TANC1: variants seen among roughly 807,000 people sequenced by gnomAD.
TANC1 encodes the protein tetratricopeptide repeat, ankyrin repeat and coiled-coil containing 1, also known as protein TANC1.
In TANC1, 77 loss-of-function variants were observed where a neutral mutation model predicts 149.7. The ratio of observed to expected loss-of-function variants is 0.51; its 90% CI spans 0.43 to 0.62. TANC1 has a LOEUF of 0.62. Among genes scored for constraint, TANC1 ranks in the 20% least tolerant of loss-of-function variants. TANC1 has a pLI of 0.00. For missense variants in TANC1, 1,985 were observed against 2,321.8 expected (o/e 0.85, Z 2.98); for synonymous variants, 854 against 925.0 (o/e 0.92, Z 1.39).
intron 3 of TANC1, among the ~76,000 whole-genome samples, chr2:159,097,230 G>A (rs763590540): frequency 9.9e-5 from 15 of 152,272 alleles, no homozygotes; most frequent in Non-Finnish European, 1.8e-4. Flanking sequence ...GTGGAGGCCT[G>A]GGAGTTCTGG....
Position 159,178,966 on chromosome 2 carries a change from G to A in TANC1, c.2313G>A (p.Glu771=). ...CATCCCTCCACCCCATGACAGACGA[G>A]CAGATCTTTCAGGCTATTAATGCTG... ...ALASLHPMTD[E]QIFQAINAGH... is the part of the protein sequence containing the mutation. Residue 771 remains glutamate (E), a synonymous_variant, in exon 14 of 27, where the codon GAG becomes GAA. Transcript: ENST00000263635. The A allele has an allele frequency of 6.2e-7, 1 of 1,614,152 alleles. No homozygotes were observed. The highest frequency in any genetic ancestry group is 1.1e-5 in the South Asian group (1 of 91,082).
intron 2 of TANC1, among the ~76,000 whole-genome samples, chr2:159,020,486 T>G (rs1254255348): frequency 1.3e-5 from 2 of 152,188 alleles, no homozygotes; most frequent in Non-Finnish European, 2.9e-5. Context: ...CCAAAGAAAT[T>G]TAAATATATG....
chr2:159,101,476 T>C (rs1050694994), intron 4 of TANC1, among the ~76,000 whole-genome samples: 4 of 152,144 alleles, frequency 2.6e-5, no homozygotes, highest in African/African-American at 9.6e-5. Context: ...ATTGAGGTTA[T>C]TATTTTTATT....
chr2:159,208,080 A>C (rs184108684), intron 19 of TANC1, among the ~76,000 whole-genome samples: 25 of 152,326 alleles, frequency 1.6e-4, no homozygotes, highest in African/African-American at 6.0e-4. Flanking sequence ...TCACCTCAGT[A>C]ACATGGGCAT....
intron 19 of TANC1, among the ~76,000 whole-genome samples, chr2:159,201,864 T>C (rs1356010049): frequency 6.6e-6 from 1 of 152,214 alleles, no homozygotes; most frequent in Non-Finnish European, 1.5e-5. Flanking sequence ...AGCTTCCTCG[T>C]CTGTTTTGAC....
chr2:159,125,319 A>G (rs1483086146), intron 4 of TANC1, among the ~76,000 whole-genome samples: 3 of 152,220 alleles, frequency 2.0e-5, no homozygotes. Context: ...AGTGTTTCAT[A>G]GACATTATGT....
intron 2 of TANC1, among the ~76,000 whole-genome samples, chr2:159,059,152 C>A (rs2042053443): frequency 6.6e-6 from 1 of 152,136 alleles, no homozygotes; most frequent in Non-Finnish European, 1.5e-5. Context: ...ATGACTGGAT[C>A]TATGTGTCTT....
chr2:159,039,361 C>T (rs1166527095), intron 2 of TANC1, among the ~76,000 whole-genome samples: 3 of 152,058 alleles, frequency 2.0e-5, no homozygotes, highest in Non-Finnish European at 2.9e-5. Context: ...TTCAGTTCTG[C>T]TCTGATCTTA....
Position 159,179,167 on chromosome 2 carries a change from C to A in TANC1, c.2510+4C>A, listed in dbSNP as rs776207375. The A allele has an allele frequency of 5.0e-6, 8 of 1,600,870 alleles. No homozygotes were observed. Among genetic ancestry groups the A allele is most frequent in the African/African-American group, 4.0e-5 (3 of 74,172 alleles). On this transcript the variant is annotated splice_donor_region_variant and intron_variant, in intron 14 of 26. Transcript: ENST00000263635. ...CGGCCTTCCTGTGTGAGCCCAGGTA[C>A]GGCAGGCGCTTTCTTTCAGCTCTTT...
At chr2:159,106,065 A>G (rs1328055411) in intron 4 of TANC1, among the ~76,000 whole-genome samples, 2 of 151,910 alleles carry the variant, frequency 1.3e-5, no homozygotes, top group African/African-American at 4.8e-5. Context: ...AGTCAAATTT[A>G]TGTATTTTTC....
At chr2:159,115,072 A>G (rs1011614772) in intron 4 of TANC1, among the ~76,000 whole-genome samples, 1 of 152,220 alleles carries the variant, frequency 6.6e-6, no homozygotes, top group Non-Finnish European at 1.5e-5. Flanking sequence ...GGGACCTCCC[A>G]GTTTGGCAAG....
At chr2:159,222,246 C>T (rs13414041) in intron 22 of TANC1, among the ~76,000 whole-genome samples, 13,194 of 152,138 alleles carry the variant, frequency 0.087, 1,208 homozygotes, top group East Asian at 0.23. Flanking sequence ...TTTTTTAATA[C>T]CGTGGCAAAA....
intron 19 of TANC1, among the ~76,000 whole-genome samples, chr2:159,203,473 G>A (rs1439584247): frequency 6.6e-6 from 1 of 152,168 alleles, no homozygotes; most frequent in Admixed American, 6.5e-5. Context: ...CCAGAGTGGT[G>A]GGATTACAGG....
intron 7 of TANC1, among the ~76,000 whole-genome samples, chr2:159,159,457 A>C (rs1390060987): frequency 6.7e-6 from 1 of 148,170 alleles, no homozygotes; most frequent in Non-Finnish European, 1.5e-5. Context: ...AAAAAAAAAA[A>C]CTTTGGGAAG....
rs548814821 is a variant in TANC1, at chr2:159,041,189, T to A, written c.-15-24707T>A. 1.6e-4 allele frequency among the ~76,000 whole-genome samples: 24 copies of A among 152,204 alleles called. 1 individual carries two copies. The South Asian group carries it at 4.6e-3, about 29-fold the overall frequency. ...GAGGAGCACCCAGCTGTATGAGGTG[T>A]CAGTTGGCCCCTACTGGGAGGTGTC... is the stretch of plus-strand genomic sequence containing the variant. On this transcript the variant is annotated intron_variant, in intron 2 of 26. Coordinates refer to ENST00000263635, the MANE Select transcript of TANC1 (RefSeq NM_033394.3).
At chr2:159,125,838 T>G (rs1230055014) in intron 4 of TANC1, among the ~76,000 whole-genome samples, 1 of 152,172 alleles carries the variant, frequency 6.6e-6, no homozygotes, top group East Asian at 1.9e-4. Flanking sequence ...TCCACCCGCC[T>G]CGGTCTCCCA....
At chr2:159,096,293 A>ATTTTTT (rs35914993) in intron 3 of TANC1, among the ~76,000 whole-genome samples, 4 of 130,744 alleles carry the variant, frequency 3.1e-5, no homozygotes, top group Non-Finnish European at 6.5e-5. Flanking sequence ...GACTGGCTGT[A>ATTTTTT]TTTTTTTTTT....
chr2:159,192,474 A>G (rs766002787), intron 16 of TANC1, among the ~76,000 whole-genome samples: 1 of 152,130 alleles, frequency 6.6e-6, no homozygotes, highest in Non-Finnish European at 1.5e-5. Flanking sequence ...TTACCAGGAA[A>G]ATGAATTTCC....
At chr2:159,142,181 T>C (rs915998259) in intron 5 of TANC1, among the ~76,000 whole-genome samples, 2 of 152,196 alleles carry the variant, frequency 1.3e-5, no homozygotes, top group Non-Finnish European at 2.9e-5. Flanking sequence ...TTTAACACAG[T>C]TGTAGACTTA....
Sources: allele counts gnomAD v4.1 joint callset (sites outside exome capture counted in the v4.1 genomes callset), GRCh38; gene constraint gnomAD v4.1.1; transcripts MANE v1.5; gene names NCBI Gene and HGNC (gene_info 2026-07-23, HGNC 2026-07-21).